The following PHF8 variants were observed in gnomAD, a reference collection of about 807,000 sequenced individuals.
PHF8 encodes PHD finger protein 8, also known as histone lysine demethylase PHF8.
In PHF8, 9 loss-of-function variants were observed where a neutral mutation model predicts 74.4. That is an observed-to-expected ratio of 0.12 (90% CI 0.07 to 0.21). The LOEUF (loss-of-function observed/expected upper bound fraction) is 0.21. Ranked by LOEUF, PHF8 falls within the 10% of genes least tolerant of loss-of-function variation. PHF8 has a pLI of 1.00. For missense variants in PHF8, 478 were observed against 816.6 expected (o/e 0.59, Z 5.05); for synonymous variants, 311 against 316.6 (o/e 0.98, Z 0.19).
At chrX:53,967,818 C>G (rs1389442572) in intron 18 of PHF8, among the ~76,000 whole-genome samples, 2 of 113,031 alleles carry the variant, frequency 1.8e-5, no homozygotes, top group East Asian at 2.8e-4. Context: ...ACCTTACCCC[C>G]CAACCCTGTG....
At position 53,991,661 on chromosome X, in the gene PHF8, C is replaced by CAAAAAAA. The variant is rs1201744328; in HGVS notation, c.1730+1068_1730+1074dup. ...CTGGTAACAGAGTGAGACTCTGTCT[C>CAAAAAAA]AAAAAAAAAAAAAAAAAAAAAAAAC... On this transcript the variant is annotated intron_variant, in intron 14 of 21. Transcript: ENST00000338154. 2.6e-3 allele frequency among the ~76,000 whole-genome samples: 44 copies of CAAAAAAA among 16,686 alleles called. 1 individual carries two copies. Among genetic ancestry groups the CAAAAAAA allele is most frequent in the African/African-American group, 6.4e-3 (28 of 4,347 alleles). The allele number at this position is 16,686 out of a possible 115,157, so 14.5% of individuals were successfully genotyped here.
intron 4 of PHF8, among the ~76,000 whole-genome samples, chrX:54,021,923 T>G (rs966489885): frequency 2.7e-5 from 3 of 111,857 alleles, no homozygotes; most frequent in Non-Finnish European, 5.6e-5. Context: ...AGATAAAACC[T>G]CTTTTCGATC....
chrX:54,027,235 C>T (rs1170247915), intron 2 of PHF8, among the ~76,000 whole-genome samples: 2 of 110,930 alleles, frequency 1.8e-5, no homozygotes, highest in African/African-American at 3.3e-5. Flanking sequence ...AAGACCTACC[C>T]GCCCTCCCAT....
chrX:54,021,704 G>A (rs781929971), intron 4 of PHF8, among the ~76,000 whole-genome samples: 2 of 108,855 alleles, frequency 1.8e-5, no homozygotes, highest in African/African-American at 3.3e-5. Flanking sequence ...TCCTGACCTC[G>A]TGATCCGCCC....
chrX:54,000,994 G>T (rs782288150), intron 10 of PHF8, among the ~76,000 whole-genome samples: 1 of 112,830 alleles, frequency 8.9e-6, no homozygotes, highest in South Asian at 3.6e-4. Flanking sequence ...ATCTAAGAAG[G>T]TCACGTACTA....
At chrX:53,998,499 G>A (rs1244911365) in intron 11 of PHF8, among the ~76,000 whole-genome samples, 1 of 110,245 alleles carries the variant, frequency 9.1e-6, no homozygotes, top group East Asian at 2.8e-4. Context: ...AAATGATATT[G>A]AAAAGCTTCA....
At chrX:53,958,857 G>C (rs1197358517) in intron 19 of PHF8, among the ~76,000 whole-genome samples, 1 of 108,510 alleles carries the variant, frequency 9.2e-6, no homozygotes, top group Non-Finnish European at 1.9e-5. Context: ...AACAGGGCTG[G>C]GAAGGAAACT....
intron 8 of PHF8, among the ~76,000 whole-genome samples, chrX:54,006,806 C>T (rs782406064): frequency 8.4e-4 from 92 of 109,013 alleles, no homozygotes; most frequent in Non-Finnish European, 1.1e-3. Flanking sequence ...GGCATGGTGA[C>T]GGGTGCCTGT....
chrX:54,046,550 T>G (rs1287497979), upstream of PHF8, among the ~76,000 whole-genome samples: 3 of 103,276 alleles, frequency 2.9e-5, no homozygotes, highest in Non-Finnish European at 5.9e-5. Flanking sequence ...GTCATTGCAG[T>G]CCAGCCTGGG....
At chrX:54,005,623 A>T (rs782786713) in intron 8 of PHF8, among the ~76,000 whole-genome samples, 1 of 93,934 alleles carries the variant, frequency 1.1e-5, no homozygotes, top group Non-Finnish European at 2.1e-5. Flanking sequence ...CAGAAAACTT[A>T]AAAAAAAAAA....
chrX:53,960,142 C>A (rs959073108), intron 19 of PHF8, among the ~76,000 whole-genome samples: 10 of 108,654 alleles, frequency 9.2e-5, no homozygotes, highest in Non-Finnish European at 1.7e-4. Context: ...GTGGCGCGAT[C>A]TCGGCTCACT....
At chrX:53,987,732 G>T in intron 15 of PHF8, 34 bp downstream of exon 15, 1 of 1,115,685 alleles carries the variant, frequency 9.0e-7, no homozygotes, top group East Asian at 3.2e-5. Flanking sequence ...CAAAAAAACG[G>T]GCAGGGGAGG....
chrX:53,990,859 T>C (rs1313974108), intron 14 of PHF8, among the ~76,000 whole-genome samples: 3 of 112,040 alleles, frequency 2.7e-5, no homozygotes, highest in African/African-American at 9.7e-5. Context: ...TCAGGGTTTC[T>C]GACAATCTTC....
At position 53,961,876 on chromosome X, in the gene PHF8, T is replaced by C. The variant is rs1325145425; in HGVS notation, c.2539+968A>G. The stretch of plus-strand genomic sequence containing the variant: ...TCCTCGTATGCATGATACTTTGCGA[T>C]GTGACTTTGCAGTTCTCCTCTCAAA... On this transcript the variant is annotated intron_variant, in intron 19 of 21. Transcript: ENST00000338154. Among the ~76,000 whole-genome samples, 4 of 111,790 alleles carry C rather than the reference T, an allele frequency of 3.6e-5. No individual in the cohort carries two copies. The East Asian group carries it at 1.1e-3, about 31-fold the overall frequency.
At chrX:53,953,630 T>G (rs1317938868) in intron 19 of PHF8, among the ~76,000 whole-genome samples, 1 of 88,111 alleles carries the variant, frequency 1.1e-5, no homozygotes, top group Non-Finnish European at 2.2e-5. Context: ...GGTGACAGAG[T>G]GACACTCTGT....
In PHF8 at chrX:54,043,920, G is replaced by C. The variant is rs2066606134; in HGVS notation, c.-251C>G. On this transcript the variant is annotated 5_prime_UTR_variant, in exon 1 of 22. Coordinates refer to ENST00000338154, the MANE Select transcript of PHF8 (RefSeq NM_015107.3). Reference sequence around the variant, plus strand: ...GCCCCAGCGACACGCCGGCAGCCGGGCTAGCTCCGGGACTGCGAAGCGCCT... The same window carrying C: ...GCCCCAGCGACACGCCGGCAGCCGGCCTAGCTCCGGGACTGCGAAGCGCCT... The C allele has an allele frequency of 5.3e-6, 4 of 754,655 alleles. No individual in the cohort carries two copies. The highest frequency in any genetic ancestry group is 6.3e-6 in the Non-Finnish European group (4 of 639,213). 62.2% of individuals were successfully genotyped at this position (754,655 alleles called of 1,213,427 possible).
intron 19 of PHF8, among the ~76,000 whole-genome samples, chrX:53,953,499 G>C (rs1390247721): frequency 9.2e-6 from 1 of 108,779 alleles, no homozygotes; most frequent in East Asian, 2.9e-4. Flanking sequence ...AAATTAGCTA[G>C]GCGTGATGGC....
In PHF8 at chrX:54,042,833, AAC is replaced by A; in HGVS notation, c.-92-15_-92-14del. On this transcript the variant is annotated splice_polypyrimidine_tract_variant and intron_variant, in intron 1 of 21. Coordinates refer to ENST00000338154, the MANE Select transcript of PHF8 (RefSeq NM_015107.3). Reference sequence around the variant, plus strand: ...CTCTGGACGATAGCTAGGCACAAATAACACTTTTTACAGAGTGAATCAGCCCC... The same window carrying A: ...CTCTGGACGATAGCTAGGCACAAATAACTTTTTACAGAGTGAATCAGCCCC... 9.0e-7 allele frequency: 1 copy of A among 1,112,235 alleles called. No individual in the cohort carries two copies. The highest frequency in any genetic ancestry group is 1.2e-6 in the Non-Finnish European group (1 of 834,097). 91.7% of individuals were successfully genotyped at this position (1,112,235 alleles called of 1,213,427 possible). A position where few individuals can be genotyped will look rare whatever the true frequency, so the allele number is the denominator to read the frequency against.
In PHF8 at chrX:53,993,662, T is replaced by C. The variant is rs1557102004; in HGVS notation, c.1565A>G (p.Tyr522Cys). 1.7e-6 allele frequency: 2 copies of C among 1,211,096 alleles called. No homozygotes were observed. The highest frequency in any genetic ancestry group is 2.2e-6 in the Non-Finnish European group (2 of 894,488). The change falls in exon 13 of 22, where the codon TAT becomes TGT. Residue 522 changes from tyrosine to cysteine, a missense_variant. Transcript: ENST00000338154. The stretch of plus-strand genomic sequence containing the variant: ...ATGACTGTATGTGTCCATGAGATTA[T>C]AGCTCAACTGGCCAGCAGGCCCCAA... ...SALGPAGQLS[Y>C]NLMDTYSHQA...
Sources: allele counts gnomAD v4.1 joint callset (sites outside exome capture counted in the v4.1 genomes callset), GRCh38; gene constraint gnomAD v4.1.1; transcripts MANE v1.5; gene names NCBI Gene and HGNC (gene_info 2026-07-23, HGNC 2026-07-21).